The following CSMD2 variants were observed in gnomAD, a reference collection of about 807,000 sequenced individuals.
CSMD2 encodes the protein CUB and sushi domain-containing protein 2.
A neutral mutation model predicts 398.5 loss-of-function variants in CSMD2; 130 were observed. The observed-to-expected ratio is 0.33, with a 90% CI of 0.28 to 0.38. The LOEUF is 0.38. CSMD2 is among the 10% of genes least tolerant of loss of function. The probability of loss-of-function intolerance (pLI) is 1.00; values close to 1 mark genes in which losing one functional copy is unlikely to be tolerated. For missense variants in CSMD2, 3,829 were observed against 4,764.9 expected (o/e 0.80, Z 5.78); for synonymous variants, 1,828 against 1,908.5 (o/e 0.96, Z 1.10).
intron 15 of CSMD2, among the ~76,000 whole-genome samples, chr1:33,735,807 T>C (rs1252977573): frequency 1.3e-5 from 2 of 151,996 alleles, no homozygotes. Context: ...GTCCACAAGG[T>C]GGGGACACTT....
At chr1:33,651,648 A>G (rs1480646326) in intron 28 of CSMD2, among the ~76,000 whole-genome samples, 1 of 152,192 alleles carries the variant, frequency 6.6e-6, no homozygotes, top group African/African-American at 2.4e-5. Flanking sequence ...AACTGGGAAG[A>G]GTAACTTCAC....
chr1:34,164,098 GGCTGCA>G lies in CSMD2; in HGVS notation c.187+807_187+812del, dbSNP rs1641625185. On this transcript the variant is annotated intron_variant, in intron 1 of 70. Coordinates refer to ENST00000373381, the MANE Select transcript of CSMD2 (RefSeq NM_001281956.2). This position sits in a 1 kb window ranked among gnomAD's most constrained non-coding sequence, Gnocchi z 6.2. ...TGCCGCTGCCGCAGCCGAGGCGCTCGGCTGCAGCAGGGCGCGGGAAAGGGCACTTTG... is the reference window on the plus strand; with the variant it reads ...TGCCGCTGCCGCAGCCGAGGCGCTCGGCAGGGCGCGGGAAAGGGCACTTTG... Among the ~76,000 whole-genome samples the G allele has an allele frequency of 6.6e-6, 1 of 152,090 alleles. No homozygotes were observed. Among genetic ancestry groups the G allele is most frequent in the Admixed American group, 6.5e-5 (1 of 15,274 alleles).
At chr1:34,142,949 T>A (rs1465719146) in intron 1 of CSMD2, among the ~76,000 whole-genome samples, 1 of 152,172 alleles carries the variant, frequency 6.6e-6, no homozygotes, top group Non-Finnish European at 1.5e-5. Flanking sequence ...CGACATTGTG[T>A]GCTGTGTGGA....
At chr1:33,594,045 A>T (rs938511157) in intron 44 of CSMD2, among the ~76,000 whole-genome samples, 3 of 152,210 alleles carry the variant, frequency 2.0e-5, no homozygotes, top group Non-Finnish European at 4.4e-5. Context: ...ATTTATTAAT[A>T]TAAAATAATT....
chr1:33,587,021 C>T lies in CSMD2; in HGVS notation c.6937+67G>A, dbSNP rs113442016. 297 of 1,293,600 alleles carry T rather than the reference C, an allele frequency of 2.3e-4. 1 individual carries two copies. The highest frequency in any genetic ancestry group is 2.2e-3 in the African/African-American group (153 of 68,180). 80.1% of individuals were successfully genotyped at this position (1,293,600 alleles called of 1,614,324 possible). On this transcript the variant is annotated intron_variant, in intron 45 of 70. Coordinates refer to ENST00000373381, the MANE Select transcript of CSMD2 (RefSeq NM_001281956.2). ...ATAAGGTCCACTGGCCCGACAGCTC[C>T]CCCCGCCACCTTCCCTTCCTTCCCC...
At chr1:33,793,869 G>C (rs1654634369) in intron 10 of CSMD2, among the ~76,000 whole-genome samples, 1 of 152,062 alleles carries the variant, frequency 6.6e-6, no homozygotes, top group African/African-American at 2.4e-5. Context: ...TTGTGCAATT[G>C]TTTGGGTGGG....
intron 35 of CSMD2, 114 bp from the exon 36 acceptor site, chr1:33,623,580 G>T: frequency 1.3e-6 from 1 of 750,348 alleles, no homozygotes; most frequent in South Asian, 1.6e-5. Flanking sequence ...AATCTACTCT[G>T]GGCCTAACAC....
chr1:33,878,644 C>T (rs1641016993), intron 5 of CSMD2, among the ~76,000 whole-genome samples: 1 of 152,194 alleles, frequency 6.6e-6, no homozygotes, highest in Admixed American at 6.5e-5. Flanking sequence ...TGCTTGATGG[C>T]TGGCCAAACT....
chr1:33,595,986 A>G (rs1014967934), intron 44 of CSMD2, among the ~76,000 whole-genome samples: 1 of 152,240 alleles, frequency 6.6e-6, no homozygotes, highest in African/African-American at 2.4e-5. Flanking sequence ...ATATCTCTAC[A>G]TATTGAAAAC....
chr1:34,008,858 C>G (rs1362104432), intron 3 of CSMD2, among the ~76,000 whole-genome samples: 2 of 152,132 alleles, frequency 1.3e-5, no homozygotes, highest in Non-Finnish European at 2.9e-5. Context: ...AGTGGGTGCA[C>G]CATAACTATT....
intron 13 of CSMD2, among the ~76,000 whole-genome samples, chr1:33,744,111 C>T (rs559511446): frequency 6.6e-6 from 1 of 152,286 alleles, no homozygotes; most frequent in East Asian, 1.9e-4. Flanking sequence ...ACTGCGTCTT[C>T]GTGCTTTGGG....
At chr1:34,027,281 C>T (rs1649769203) in intron 3 of CSMD2, among the ~76,000 whole-genome samples, 1 of 152,116 alleles carries the variant, frequency 6.6e-6, no homozygotes, top group South Asian at 2.1e-4. Context: ...ACAGGTGCTT[C>T]ACCTTACCTA....
At chr1:34,005,261 G>A (rs1199437068) in intron 3 of CSMD2, among the ~76,000 whole-genome samples, 2 of 152,182 alleles carry the variant, frequency 1.3e-5, no homozygotes, top group South Asian at 2.1e-4. Context: ...GGGCAATGAC[G>A]GGTCATGTGC....
intron 21 of CSMD2, among the ~76,000 whole-genome samples, chr1:33,711,791 C>T (rs1017688936): frequency 1.1e-4 from 17 of 152,126 alleles, no homozygotes; most frequent in Non-Finnish European, 1.5e-4. Flanking sequence ...TGCCCCAGCA[C>T]GAGCCTCTCC....
At chr1:33,574,383 T>C (rs1462461806) in intron 49 of CSMD2, among the ~76,000 whole-genome samples, 1 of 152,222 alleles carries the variant, frequency 6.6e-6, no homozygotes, top group Non-Finnish European at 1.5e-5. Flanking sequence ...GTAGACTGTT[T>C]GGTCTTTGAA....
chr1:33,782,160 C>T (rs1052793402), intron 12 of CSMD2, among the ~76,000 whole-genome samples: 3 of 151,976 alleles, frequency 2.0e-5, no homozygotes, highest in South Asian at 2.1e-4. Flanking sequence ...TGCCATCCTA[C>T]GAGAAACCTG....
chr1:34,027,858 ATGGG>A (rs1352561449), intron 3 of CSMD2, among the ~76,000 whole-genome samples: 2 of 3,676 alleles, frequency 5.4e-4, no homozygotes, highest in East Asian at 6.8e-3. Flanking sequence ...ACAGCCCTAC[ATGGG>A]CAGACAGCCC....
At chr1:33,691,002 C>T (rs1645219526) in intron 25 of CSMD2, among the ~76,000 whole-genome samples, 1 of 152,152 alleles carries the variant, frequency 6.6e-6, no homozygotes, top group South Asian at 2.1e-4. Context: ...GGGATGACCT[C>T]CCGGGTGAGC....
chr1:33,678,313 T>A (rs1557717488), intron 25 of CSMD2, among the ~76,000 whole-genome samples: 5 of 140,912 alleles, frequency 3.5e-5, no homozygotes, highest in African/African-American at 5.2e-5. Flanking sequence ...CTTTATAAAT[T>A]AAAAAAAAAA....
Sources: gnomAD v4.1 joint callset for allele counts (sites outside exome capture counted in the v4.1 genomes callset) on GRCh38, gnomAD v4.1.1 for gene constraint, Gnocchi (gnomAD v3.1) non-coding constraint, MANE v1.5 for transcripts, NCBI Gene and HGNC (gene_info 2026-07-23, HGNC 2026-07-21) for gene names.